The following VPS53 variants were observed in gnomAD, a reference collection of about 807,000 sequenced individuals.
VPS53 encodes the protein VPS53 subunit of GARP complex.
Under a neutral mutation model 107.0 loss-of-function variants are expected in VPS53, and 70 were observed. That is an observed-to-expected ratio of 0.65 (90% CI 0.54 to 0.80). The LOEUF is 0.80. Among genes scored for constraint, VPS53 ranks in the 30% least tolerant of loss-of-function variants. The probability of loss-of-function intolerance (pLI) is 0.00; values close to 1 mark genes in which losing one functional copy is unlikely to be tolerated. For synonymous variants in VPS53, 409 were observed against 393.3 expected, an observed-to-expected ratio of 1.04 and a Z score of -0.47; for missense variants, 917 against 1,049.4, an observed-to-expected ratio of 0.87 and a Z score of 1.74.
At chr17:521,832 C>A (rs1417332146) in intron 19 of VPS53, 94 bp from the exon 20 acceptor site, 7 of 1,291,092 alleles carry the variant, frequency 5.4e-6, no homozygotes, top group South Asian at 5.0e-5. Context: ...TCGTTATACA[C>A]GTAACACATT....
At chr17:555,205 C>G (rs898237171) in intron 15 of VPS53, among the ~76,000 whole-genome samples, 2 of 152,248 alleles carry the variant, frequency 1.3e-5, no homozygotes, top group Non-Finnish European at 2.9e-5. Flanking sequence ...TTCCACCTTG[C>G]CTGCTAGGCT....
At chr17:707,676 T>G (rs1326617413) in intron 2 of VPS53, among the ~76,000 whole-genome samples, 3 of 152,000 alleles carry the variant, frequency 2.0e-5, no homozygotes, top group Admixed American at 2.0e-4. Flanking sequence ...TAGTGAGATC[T>G]CGTCTCTACT....
chr17:688,862 C>T (rs549762818), intron 4 of VPS53, among the ~76,000 whole-genome samples: 1 of 152,198 alleles, frequency 6.6e-6, no homozygotes, highest in Non-Finnish European at 1.5e-5. Flanking sequence ...TCAGGGCACT[C>T]CCAGGTCATG....
intron 12 of VPS53, among the ~76,000 whole-genome samples, chr17:599,502 T>A (rs1712710485): frequency 6.6e-6 from 1 of 150,886 alleles, no homozygotes; most frequent in Middle Eastern, 3.2e-3. Flanking sequence ...CAGGGTTAAA[T>A]GGATTAAGGG....
At chr17:598,618 G>A (rs973070176) in intron 12 of VPS53, among the ~76,000 whole-genome samples, 10 of 144,656 alleles carry the variant, frequency 6.9e-5, no homozygotes, top group South Asian at 4.5e-4. Context: ...CTGCCGCCCC[G>A]TCTGGGATGT....
At chr17:633,752 A>G (rs1360873852) in intron 7 of VPS53, among the ~76,000 whole-genome samples, 1 of 152,242 alleles carries the variant, frequency 6.6e-6, no homozygotes, top group Non-Finnish European at 1.5e-5. Flanking sequence ...AATCAGGGCC[A>G]TACGTCTAGA....
chr17:557,359 C>T (rs533358660), intron 15 of VPS53, among the ~76,000 whole-genome samples: 30 of 152,258 alleles, frequency 2.0e-4, no homozygotes, highest in African/African-American at 7.0e-4. Context: ...CCCACCAATC[C>T]TAAATCCAGG....
intron 5 of VPS53, among the ~76,000 whole-genome samples, chr17:658,428 T>C (rs1475742853): frequency 2.8e-5 from 4 of 142,266 alleles, no homozygotes; most frequent in African/African-American, 1.1e-4. Flanking sequence ...CGGCCGTGAG[T>C]TCGTGGATAG....
intron 20 of VPS53, 84 bp downstream of exon 20, chr17:521,517 G>A (rs1908744264): frequency 1.4e-6 from 2 of 1,432,564 alleles, no homozygotes; most frequent in African/African-American, 2.8e-5. Flanking sequence ...GTGAGGATAG[G>A]ACCTACCCTG....
intron 4 of VPS53, among the ~76,000 whole-genome samples, chr17:662,891 A>C (rs188077113): frequency 3.1e-3 from 430 of 137,560 alleles, no homozygotes; most frequent in Middle Eastern, 0.023. Flanking sequence ...GGAAGGAAGG[A>C]AGGCAGGCAG....
intron 8 of VPS53, among the ~76,000 whole-genome samples, chr17:631,042 C>G (rs537518448): frequency 2.0e-5 from 3 of 152,062 alleles, no homozygotes; most frequent in African/African-American, 7.2e-5. Context: ...TTTGCAGACA[C>G]AACACAAACA....
At chr17:623,479 C>A in intron 11 of VPS53, 54 bp downstream of exon 11, 1 of 1,569,284 alleles carries the variant, frequency 6.4e-7, no homozygotes, top group South Asian at 1.2e-5. Context: ...AACCCTGAAT[C>A]CCAACCACCC....
chr17:643,499 G>A (rs1970539622), intron 7 of VPS53, among the ~76,000 whole-genome samples: 1 of 149,500 alleles, frequency 6.7e-6, no homozygotes, highest in African/African-American at 2.5e-5. Context: ...GGAAATCAAG[G>A]ACAACACTCA....
rs11361535 is a variant in VPS53, at chr17:515,956, C to CTTTTTTTTTTTTTT, written c.*3158_*3171dup. ...ATTACAGGCACCCGCCACCTGCCTG[C>CTTTTTTTTTTTTTT]TTTTTTTTTTTTTTTTTTTGTATTT... On this transcript the variant is annotated 3_prime_UTR_variant, in exon 22 of 22. Transcript: ENST00000437048. 312 of 109,572 alleles carry CTTTTTTTTTTTTTT rather than the reference C, an allele frequency of 2.8e-3. No homozygotes were observed. Among genetic ancestry groups the CTTTTTTTTTTTTTT allele is most frequent in the African/African-American group, 0.012 (299 of 24,106 alleles). 6.8% of individuals were successfully genotyped at this position (109,572 alleles called of 1,614,324 possible).
chr17:685,486 C>A (rs1300647709), intron 4 of VPS53, among the ~76,000 whole-genome samples: 1 of 152,112 alleles, frequency 6.6e-6, no homozygotes, highest in Non-Finnish European at 1.5e-5. Flanking sequence ...CTATTCAACA[C>A]TTTAGTATAA....
chr17:584,178 C>T (rs543357868), intron 13 of VPS53, among the ~76,000 whole-genome samples: 4 of 152,320 alleles, frequency 2.6e-5, no homozygotes, highest in Middle Eastern at 3.4e-3. Flanking sequence ...TGGTCCCTTC[C>T]GAGTGCGTTC....
intron 18 of VPS53, among the ~76,000 whole-genome samples, chr17:533,172 G>GCA (rs1295754616): frequency 6.6e-6 from 1 of 152,210 alleles, no homozygotes; most frequent in African/African-American, 2.4e-5. Flanking sequence ...GCTCGTCAGA[G>GCA]CACAGCATTC....
intron 13 of VPS53, among the ~76,000 whole-genome samples, chr17:568,137 T>C (rs192174864): frequency 2.6e-5 from 4 of 152,060 alleles, no homozygotes; most frequent in Non-Finnish European, 5.9e-5. Context: ...ATATTCTAAT[T>C]GGAATGTCAA....
At chr17:566,234 C>T (rs1388585397) in intron 13 of VPS53, among the ~76,000 whole-genome samples, 1 of 150,970 alleles carries the variant, frequency 6.6e-6, no homozygotes, top group African/African-American at 2.4e-5. Context: ...AAAGAAATAA[C>T]CTATCTTCTC....
Sources: gnomAD v4.1 joint callset for allele counts (sites outside exome capture counted in the v4.1 genomes callset) on GRCh38, gnomAD v4.1.1 for gene constraint, MANE v1.5 for transcripts, NCBI Gene and HGNC (gene_info 2026-07-23, HGNC 2026-07-21) for gene names.